Variants in ABHD17B observed in about 807,000 individuals in gnomAD.
ABHD17B encodes abhydrolase domain containing 17B, depalmitoylase, also known as alpha/beta hydrolase domain-containing protein 17B.
A neutral mutation model predicts 26.2 loss-of-function variants in ABHD17B; 9 were observed. The observed-to-expected ratio is 0.34, with a 90% CI of 0.21 to 0.60. The LOEUF (loss-of-function observed/expected upper bound fraction) is 0.60, where lower values mean the gene tolerates loss of function less well. Among genes scored for constraint, ABHD17B ranks in the 20% least tolerant of loss-of-function variants. The probability of loss-of-function intolerance (pLI) is 0.80; values close to 1 mark genes in which losing one functional copy is unlikely to be tolerated. For missense variants in ABHD17B, 224 were observed against 352.1 expected (o/e 0.64, Z 2.91); for synonymous variants, 127 against 122.3 (o/e 1.04, Z -0.25).
At chr9:71,895,461 T>C (rs996683970) in intron 1 of ABHD17B, among the ~76,000 whole-genome samples, 3 of 152,216 alleles carry the variant, frequency 2.0e-5, no homozygotes, top group African/African-American at 7.2e-5. Flanking sequence ...CAGGCTGAAT[T>C]ATCTGTCTTT....
Position 71,866,931 on chromosome 9 carries a change from T to C in ABHD17B, c.723A>G (p.Ser241=). 1 of 1,614,176 alleles carries C rather than the reference T, an allele frequency of 6.2e-7. No individual in the cohort carries two copies. Among genetic ancestry groups the C allele is most frequent in the East Asian group, 2.2e-5 (1 of 44,880 alleles). ...AACGTTCAAACAATGCGAGGCCATG[T>C]GAAAAGTCAATGACTTCATCTTCAG... The part of the protein sequence containing the change: ...HGTEDEVIDF[S]HGLALFERCQ... The change falls in exon 4 of 4, where the codon TCA becomes TCG. Residue 241 remains serine (S), a synonymous_variant. Transcript: ENST00000333421.
chr9:71,863,304 C>T (rs1825874551), downstream of ABHD17B, among the ~76,000 whole-genome samples: 1 of 152,138 alleles, frequency 6.6e-6, no homozygotes, highest in Non-Finnish European at 1.5e-5. Context: ...GAAATTTTCA[C>T]ATTACATTAG....
At chr9:71,888,509 AT>A (rs1159726871) in intron 1 of ABHD17B, among the ~76,000 whole-genome samples, 1 of 152,190 alleles carries the variant, frequency 6.6e-6, no homozygotes, top group African/African-American at 2.4e-5. Flanking sequence ...CCTACTCAGT[AT>A]TTTTCATACC....
chr9:71,882,843 G>GAATATATTTT (rs1249588273), intron 1 of ABHD17B, among the ~76,000 whole-genome samples: 2 of 151,864 alleles, frequency 1.3e-5, no homozygotes, highest in Non-Finnish European at 2.9e-5. Context: ...AAAATTCTGT[G>GAATATATTTT]AATATATATA....
intron 1 of ABHD17B, among the ~76,000 whole-genome samples, chr9:71,879,050 C>T (rs1414091966): frequency 4.6e-5 from 7 of 152,162 alleles, no homozygotes; most frequent in South Asian, 2.1e-4. Context: ...CAGCCACTGG[C>T]GTGGCTGGAG....
At chr9:71,900,393 G>T (rs1036508777) in intron 1 of ABHD17B, among the ~76,000 whole-genome samples, 1 of 152,084 alleles carries the variant, frequency 6.6e-6, no homozygotes, top group African/African-American at 2.4e-5. Flanking sequence ...GTTCGGGGAC[G>T]GTGGCTCGTG....
intron 1 of ABHD17B, among the ~76,000 whole-genome samples, chr9:71,895,183 C>T (rs1826919226): frequency 6.6e-6 from 1 of 152,208 alleles, no homozygotes; most frequent in Non-Finnish European, 1.5e-5. Flanking sequence ...GCTCCAAGTG[C>T]TTTAACAATC....
At chr9:71,868,440 A>G (rs1462220820) in intron 3 of ABHD17B, among the ~76,000 whole-genome samples, 1 of 152,158 alleles carries the variant, frequency 6.6e-6, no homozygotes, top group African/African-American at 2.4e-5. Context: ...ACTTTTTTAA[A>G]AGGCAACTTG....
At position 71,875,977 on chromosome 9, in the gene ABHD17B, G is replaced by A. The variant is rs371232615; in HGVS notation, c.-3-894C>T. On this transcript the variant is annotated intron_variant, in intron 1 of 3. Transcript: ENST00000333421. ...CAGGCTGTCACTACACTATGTTACT[G>A]GGCTACACTGCCTCACAGATTCAGA... Among the ~76,000 whole-genome samples the A allele has an allele frequency of 1.1e-3, 170 of 152,260 alleles. 2 individuals carry two copies. Among genetic ancestry groups the A allele is most frequent in the African/African-American group, 4.0e-3 (165 of 41,570 alleles).
chr9:71,904,681 G>T (rs376698194), intron 1 of ABHD17B, among the ~76,000 whole-genome samples: 9 of 152,050 alleles, frequency 5.9e-5, no homozygotes, highest in Admixed American at 5.9e-4. Context: ...TGAAACATAA[G>T]AATCAGAGTA....
intron 1 of ABHD17B, among the ~76,000 whole-genome samples, chr9:71,879,099 C>A (rs564042263): frequency 1.3e-5 from 2 of 152,114 alleles, no homozygotes; most frequent in South Asian, 2.1e-4. Context: ...AAGGCTACAG[C>A]GAGCTGTGAT....
rs188955685 is a variant in ABHD17B, at chr9:71,889,562, G to A, written c.-3-14479C>T. ...CAGGGAAGTTGGGGGATCTGGGAGC[G>A]TATTTGTGCGATACTGGTGGGGGAC... On this transcript the variant is annotated intron_variant, in intron 1 of 3. Transcript: ENST00000333421. Among the ~76,000 whole-genome samples the A allele has an allele frequency of 3.7e-3, 568 of 152,226 alleles. 3 individuals carry two copies. Among genetic ancestry groups the A allele is most frequent in the Middle Eastern group, 0.014 (4 of 294 alleles).
intron 1 of ABHD17B, among the ~76,000 whole-genome samples, chr9:71,907,748 T>G (rs1278233282): frequency 4.6e-5 from 7 of 152,164 alleles, no homozygotes; most frequent in African/African-American, 1.7e-4. Context: ...CGACCCCAGG[T>G]GATCCGCCTG....
At chr9:71,905,005 C>A (rs1033141250) in intron 1 of ABHD17B, among the ~76,000 whole-genome samples, 120 of 152,206 alleles carry the variant, frequency 7.9e-4, no homozygotes, top group African/African-American at 2.7e-3. Flanking sequence ...TTTATAACCC[C>A]AGTATAGAGA....
chr9:71,904,884 G>A (rs528636903), intron 1 of ABHD17B, among the ~76,000 whole-genome samples: 5 of 151,970 alleles, frequency 3.3e-5, no homozygotes, highest in African/African-American at 1.2e-4. Context: ...CACAATAAAG[G>A]GCAGTCATTT....
rs113790537 is a variant in ABHD17B at position 71,889,017 on chromosome 9, TA to T, written c.-3-13935del. 1.1e-3 allele frequency among the ~76,000 whole-genome samples: 160 copies of T among 141,960 alleles called. 1 individual carries two copies. The highest frequency in any genetic ancestry group is 3.3e-3 in the African/African-American group (126 of 38,686). The allele number at this position is 141,960 out of a possible 152,430, so 93.1% of individuals were successfully genotyped here. A position where few individuals can be genotyped will look rare whatever the true frequency, so the allele number is the denominator to read the frequency against. ...TATGAAAGTATTACAAGACAAAGTTTAAAAAAAAAAACAAACCAGCCAGGTG... is the reference window on the plus strand; with the variant it reads ...TATGAAAGTATTACAAGACAAAGTTTAAAAAAAAAACAAACCAGCCAGGTG... On this transcript the variant is annotated intron_variant, in intron 1 of 3. Coordinates refer to ENST00000333421, the MANE Select transcript of ABHD17B (RefSeq NM_001025780.3).
chr9:71,889,438 A>G (rs1266702930), intron 1 of ABHD17B, among the ~76,000 whole-genome samples: 1 of 152,226 alleles, frequency 6.6e-6, no homozygotes, highest in African/African-American at 2.4e-5. Context: ...TACTGTCTCC[A>G]ACTCATAAGA....
At chr9:71,897,474 CCA>C (rs1826992795) in intron 1 of ABHD17B, among the ~76,000 whole-genome samples, 1 of 152,164 alleles carries the variant, frequency 6.6e-6, no homozygotes, top group Admixed American at 6.5e-5. Flanking sequence ...CATGATCGTG[CCA>C]CTGCAATCCA....
At chr9:71,894,397 G>A (rs1416820370) in intron 1 of ABHD17B, among the ~76,000 whole-genome samples, 1 of 152,070 alleles carries the variant, frequency 6.6e-6, no homozygotes, top group Non-Finnish European at 1.5e-5. Flanking sequence ...CCAGGCTGGA[G>A]TGCAGTGGCA....
Sources: gnomAD v4.1 joint callset for allele counts (sites outside exome capture counted in the v4.1 genomes callset) on GRCh38, gnomAD v4.1.1 for gene constraint, MANE v1.5 for transcripts, NCBI Gene and HGNC (gene_info 2026-07-23, HGNC 2026-07-21) for gene names.